Variants in WDFY3 observed in about 807,000 individuals in gnomAD.
WDFY3 encodes WD repeat and FYVE domain containing 3.
Under a neutral mutation model 409.6 loss-of-function variants are expected in WDFY3, and 66 were observed. The ratio of observed to expected loss-of-function variants is 0.16; its 90% CI spans 0.13 to 0.20. The LOEUF (loss-of-function observed/expected upper bound fraction) is 0.20. Among genes scored for constraint, WDFY3 ranks in the 10% least tolerant of loss-of-function variants. The pLI, the probability that WDFY3 is intolerant of heterozygous loss-of-function variation, is 1.00. For synonymous variants in WDFY3, 1,521 were observed against 1,537.1 expected, an observed-to-expected ratio of 0.99 and a Z score of 0.25; for missense variants, 3,031 against 4,298.1, an observed-to-expected ratio of 0.71 and a Z score of 8.24.
chr4:84,678,883 T>C (rs1422061523), intron 65 of WDFY3, 36 bp downstream of exon 65: 2 of 1,579,040 alleles, frequency 1.3e-6, no homozygotes, highest in South Asian at 1.2e-5. Flanking sequence ...ACACCACATA[T>C]AAGGAGTGAG....
chr4:84,721,377 T>C lies in WDFY3; in HGVS notation c.7605+32A>G, dbSNP rs368209381. ...GTCTTAATAATATGTTACTGAAGTATTTACAATCCTTACTTTTCAGAAGCA... is the reference window on the plus strand; with the variant it reads ...GTCTTAATAATATGTTACTGAAGTACTTACAATCCTTACTTTTCAGAAGCA... On this transcript the variant is annotated intron_variant, in intron 47 of 67. Transcript: ENST00000295888. 3.7e-6 allele frequency: 6 copies of C among 1,610,008 alleles called. No homozygotes were observed. In the African/African-American group the frequency reaches 4.0e-5, roughly 11 times the overall value.
chr4:84,721,294 T>C (rs1259896884), intron 47 of WDFY3, 115 bp downstream of exon 47: 8 of 1,404,694 alleles, frequency 5.7e-6, no homozygotes, highest in African/African-American at 1.4e-5. Flanking sequence ...GCTTAAGCTG[T>C]ATTTTATTAC....
At chr4:84,922,451 T>C (rs1262852836) in intron 2 of WDFY3, among the ~76,000 whole-genome samples, 1 of 152,190 alleles carries the variant, frequency 6.6e-6, no homozygotes, top group Non-Finnish European at 1.5e-5. Context: ...ATAACACTTG[T>C]TCTTTAAACT....
intron 47 of WDFY3, among the ~76,000 whole-genome samples, chr4:84,719,696 T>C (rs373020152): frequency 7.9e-5 from 12 of 151,920 alleles, no homozygotes; most frequent in African/African-American, 2.2e-4. Flanking sequence ...CACATACATA[T>C]ACACACACAC....
intron 1 of WDFY3, among the ~76,000 whole-genome samples, chr4:84,944,749 G>A (rs1037928194): frequency 2.0e-5 from 3 of 151,992 alleles, no homozygotes; most frequent in Non-Finnish European, 4.4e-5. Flanking sequence ...CCGAGATCAC[G>A]CCACTGCACT....
intron 16 of WDFY3, 24 bp from the exon 17 acceptor site, chr4:84,801,888 A>T: frequency 6.2e-7 from 1 of 1,602,232 alleles, no homozygotes; most frequent in Non-Finnish European, 8.5e-7. Context: ...AGAAATCCAC[A>T]CAGTCAGGTC....
At chr4:84,886,003 T>A (rs1232540346) in intron 3 of WDFY3, among the ~76,000 whole-genome samples, 1 of 152,150 alleles carries the variant, frequency 6.6e-6, no homozygotes, top group Non-Finnish European at 1.5e-5. Context: ...AGTATACATT[T>A]CAGATCCATT....
At position 84,743,708 on chromosome 4, in the gene WDFY3, ACAT is replaced by A. The variant is rs1356546458; in HGVS notation, c.6062_6064del (p.Asp2021del). On this transcript the variant is annotated inframe_deletion, in exon 37 of 68. Transcript: ENST00000295888. The stretch of plus-strand genomic sequence containing the variant: ...TAAAAACACAGAATTACCTAATAAC[ACAT>A]CAGCTGCAAGCAAATGGTCCATCAC... The A allele has an allele frequency of 9.0e-6, 14 of 1,563,382 alleles. No homozygotes were observed. The highest frequency in any genetic ancestry group is 1.1e-5 in the Non-Finnish European group (13 of 1,150,560).
intron 3 of WDFY3, among the ~76,000 whole-genome samples, chr4:84,885,058 T>C (rs766545360): frequency 9.9e-5 from 15 of 152,122 alleles, no homozygotes; most frequent in African/African-American, 3.6e-4. Flanking sequence ...TGGAATGCAA[T>C]TGCATGATCT....
chr4:84,810,552 T>C (rs895407665), intron 13 of WDFY3, among the ~76,000 whole-genome samples: 8 of 152,196 alleles, frequency 5.3e-5, no homozygotes, highest in Non-Finnish European at 8.8e-5. Context: ...GGAAACACTA[T>C]CACATATTTC....
Position 84,672,646 on chromosome 4 carries a change from GA to G in WDFY3, c.*221del. ...TGGAGGTCGAAAGTGTTGCTCCTAG[GA>G]ACCACCTCATATTCTTCTTGTGCTG... On this transcript the variant is annotated 3_prime_UTR_variant, in exon 68 of 68. Transcript: ENST00000295888. 1 of 413,384 alleles carries G rather than the reference GA, an allele frequency of 2.4e-6. No homozygotes were observed. The highest frequency in any genetic ancestry group is 4.1e-6 in the Non-Finnish European group (1 of 244,276). 25.6% of individuals were successfully genotyped at this position (413,384 alleles called of 1,614,324 possible). A position where few individuals can be genotyped will look rare whatever the true frequency, so the allele number is the denominator to read the frequency against.
intron 3 of WDFY3, among the ~76,000 whole-genome samples, chr4:84,884,437 T>C (rs1763921873): frequency 6.6e-6 from 1 of 152,076 alleles, no homozygotes; most frequent in African/African-American, 2.4e-5. Flanking sequence ...ACTCATTTAA[T>C]TTCAAATCCA....
intron 30 of WDFY3, among the ~76,000 whole-genome samples, chr4:84,767,773 G>C (rs1412340570): frequency 9.2e-5 from 14 of 152,266 alleles, no homozygotes; most frequent in Non-Finnish European, 1.0e-4. Context: ...AAGGCTGAGA[G>C]AGCTGAGAAA....
Position 84,692,829 on chromosome 4 carries a change from G to A in WDFY3, c.9049+56C>T, listed in dbSNP as rs185740748. 446 of 1,508,622 alleles carry A rather than the reference G, an allele frequency of 3.0e-4. 2 individuals carry two copies. The African/African-American group carries it at 5.8e-3, about 20-fold the overall frequency. 93.5% of individuals were successfully genotyped at this position (1,508,622 alleles called of 1,614,324 possible). On this transcript the variant is annotated intron_variant, in intron 59 of 67. Coordinates refer to ENST00000295888, the MANE Select transcript of WDFY3 (RefSeq NM_014991.6). ...AGCAAATTTGTTATTGTTAAACTGG[G>A]ATTATTAACAATCCCATTAAATCAT...
At chr4:84,802,632 TTAGAG>T (rs1750808370) in intron 16 of WDFY3, among the ~76,000 whole-genome samples, 2 of 152,208 alleles carry the variant, frequency 1.3e-5, no homozygotes, top group Admixed American at 1.3e-4. Flanking sequence ...AGTAACTTGC[TTAGAG>T]CAATATAGCA....
intron 63 of WDFY3, 183 bp from the exon 64 acceptor site, chr4:84,682,653 C>T: frequency 8.4e-6 from 5 of 594,106 alleles, no homozygotes; most frequent in Non-Finnish European, 1.5e-5. Flanking sequence ...ATGGCTGTTT[C>T]AAAGTACAGG....
chr4:84,805,003 T>C (rs1235097355), intron 15 of WDFY3, among the ~76,000 whole-genome samples: 2 of 152,174 alleles, frequency 1.3e-5, no homozygotes, highest in Non-Finnish European at 2.9e-5. Flanking sequence ...TCCAAAACTT[T>C]TTAAGCACCC....
At chr4:84,810,486 C>T in intron 13 of WDFY3, 142 bp from the exon 14 acceptor site, 1 of 667,732 alleles carries the variant, frequency 1.5e-6, no homozygotes, top group South Asian at 2.9e-5. Context: ...TCCTATAAAG[C>T]ATATCAAATA....
chr4:84,929,923 A>G (rs923204590), intron 2 of WDFY3, among the ~76,000 whole-genome samples: 10 of 151,986 alleles, frequency 6.6e-5, no homozygotes, highest in African/African-American at 2.4e-5. Flanking sequence ...AAAAAAAAAA[A>G]ATCTAGACAC....
Sources: gnomAD v4.1 joint callset for allele counts (sites outside exome capture counted in the v4.1 genomes callset) on GRCh38, gnomAD v4.1.1 for gene constraint, MANE v1.5 for transcripts, NCBI Gene and HGNC (gene_info 2026-07-23, HGNC 2026-07-21) for gene names.